DLG1: variants seen among roughly 807,000 people sequenced by gnomAD.
DLG1 encodes the protein discs large MAGUK scaffold protein 1, also known as disks large homolog 1.
A neutral mutation model predicts 123.4 loss-of-function variants in DLG1; 42 were observed. The ratio of observed to expected loss-of-function variants is 0.34; its 90% CI spans 0.27 to 0.44. DLG1 has a LOEUF of 0.44. DLG1 is among the 20% of genes least tolerant of loss of function. The pLI, the probability that DLG1 is intolerant of heterozygous loss-of-function variation, is 1.00. For missense variants in DLG1, 942 were observed against 1,082.6 expected, an observed-to-expected ratio of 0.87 and a Z score of 1.82; for synonymous variants, 317 against 356.2, an observed-to-expected ratio of 0.89 and a Z score of 1.24.
chr3:197,275,876 T>C (rs1382702069), intron 4 of DLG1, among the ~76,000 whole-genome samples: 1 of 152,112 alleles, frequency 6.6e-6, no homozygotes, highest in African/African-American at 2.4e-5. Flanking sequence ...GAAGAGAAAA[T>C]CTGGAATATT....
At chr3:197,154,689 A>G (rs2149807548) in intron 5 of DLG1, among the ~76,000 whole-genome samples, 1 of 152,286 alleles carries the variant, frequency 6.6e-6, no homozygotes, top group East Asian at 1.9e-4. Context: ...AAAAAAAAAG[A>G]ATTAAAAGAT....
At chr3:197,244,071 C>G (rs1379913609) in intron 4 of DLG1, among the ~76,000 whole-genome samples, 1 of 152,144 alleles carries the variant, frequency 6.6e-6, no homozygotes, top group African/African-American at 2.4e-5. Context: ...TAAGGGGAGA[C>G]TGATTAGTAA....
At chr3:197,218,284 T>G (rs1009764173) in intron 4 of DLG1, among the ~76,000 whole-genome samples, 19 of 152,328 alleles carry the variant, frequency 1.2e-4, no homozygotes, top group African/African-American at 4.6e-4. Context: ...ATGTCAAATA[T>G]GGATTGCTCT....
chr3:197,277,211 G>GT (rs1020999300), intron 4 of DLG1, among the ~76,000 whole-genome samples: 1,665 of 144,046 alleles, frequency 0.012, 25 homozygotes, highest in African/African-American at 0.037. Flanking sequence ...TACTTTTATG[G>GT]TTTTTTTTTT....
rs955021671 is a variant in DLG1, at chr3:197,130,660, T to A, written c.1032A>T (p.Val344=). Residue 344 remains valine (V), a synonymous_variant, in exon 11 of 25, where the codon GTA becomes GTT. Coordinates refer to ENST00000667157, the MANE Select transcript of DLG1 (RefSeq NM_001366207.1). The part of the protein sequence containing the change: ...IGDKLLAVNN[V]CLEEVTHEEA... ...CTTCATGAGTAACTTCTTCTAAACA[T>A]ACGTTATTCACCTAAAAAAAGTCCC... 1 of 1,599,678 alleles carries A rather than the reference T, an allele frequency of 6.3e-7. No individual in the cohort carries two copies. The highest frequency in any genetic ancestry group is 2.2e-5 in the East Asian group (1 of 44,518).
chr3:197,127,762 A>G (rs1220592235), intron 11 of DLG1, among the ~76,000 whole-genome samples: 2 of 151,956 alleles, frequency 1.3e-5, no homozygotes, highest in Non-Finnish European at 2.9e-5. Flanking sequence ...TCCATACCAC[A>G]GCAATAAAGC....
chr3:197,152,889 C>A (rs1236940924), intron 5 of DLG1, among the ~76,000 whole-genome samples: 2 of 151,886 alleles, frequency 1.3e-5, no homozygotes, highest in African/African-American at 4.8e-5. Context: ...CTGAAGCAGC[C>A]TTACAAAGTT....
intron 4 of DLG1, among the ~76,000 whole-genome samples, chr3:197,207,885 A>C (rs185047317): frequency 1.4e-5 from 2 of 146,090 alleles, no homozygotes; most frequent in Admixed American, 1.4e-4. Context: ...TTATAACTAT[A>C]ACAAAGACCT....
At chr3:197,060,263 C>T (rs539496484) in intron 22 of DLG1, among the ~76,000 whole-genome samples, 46 of 152,240 alleles carry the variant, frequency 3.0e-4, no homozygotes, top group Non-Finnish European at 5.9e-4. Flanking sequence ...TCAGTTATTT[C>T]TCAAAATGGT....
intron 24 of DLG1, among the ~76,000 whole-genome samples, chr3:197,046,289 G>A (rs997127195): frequency 6.6e-6 from 1 of 151,948 alleles, no homozygotes; most frequent in Non-Finnish European, 1.5e-5. Context: ...GGAGAAAACA[G>A]TCAGGAACTG....
At chr3:197,192,388 G>T (rs1157899647) in intron 5 of DLG1, among the ~76,000 whole-genome samples, 4 of 151,914 alleles carry the variant, frequency 2.6e-5, no homozygotes, top group Non-Finnish European at 5.9e-5. Flanking sequence ...AGAAAAGAAG[G>T]CTGGTAATTA....
At chr3:197,167,572 T>C (rs909742840) in intron 5 of DLG1, among the ~76,000 whole-genome samples, 1 of 152,222 alleles carries the variant, frequency 6.6e-6, no homozygotes, top group Admixed American at 6.5e-5. Flanking sequence ...TCATTAAACA[T>C]CAGACAAACC....
intron 4 of DLG1, among the ~76,000 whole-genome samples, chr3:197,244,396 T>C (rs1240275820): frequency 2.0e-5 from 3 of 152,178 alleles, no homozygotes; most frequent in Admixed American, 1.3e-4. Flanking sequence ...ATAGCAATCA[T>C]TTTTGTTTAG....
chr3:197,090,419 C>T (rs1757127373), intron 15 of DLG1, among the ~76,000 whole-genome samples: 1 of 151,870 alleles, frequency 6.6e-6, no homozygotes, highest in Non-Finnish European at 1.5e-5. Context: ...TTGCCTTCTC[C>T]CAAGTGTTTA....
intron 4 of DLG1, among the ~76,000 whole-genome samples, chr3:197,232,363 A>T (rs1277877334): frequency 3.9e-5 from 2 of 51,374 alleles, no homozygotes. Context: ...TTGTCTCTTA[A>T]AAAAAAAAAA....
At chr3:197,190,880 G>GGC (rs1276648466) in intron 5 of DLG1, among the ~76,000 whole-genome samples, 4 of 152,136 alleles carry the variant, frequency 2.6e-5, no homozygotes, top group African/African-American at 9.7e-5. Context: ...CGTGGTGGCG[G>GGC]GCGCCTGTAG....
chr3:197,226,346 T>C (rs1338389169), intron 4 of DLG1: 2 of 152,042 alleles, frequency 1.3e-5, no homozygotes, highest in African/African-American at 2.4e-5. Flanking sequence ...ATCTCCTCCA[T>C]GAGAATAAGA....
chr3:197,231,546 C>A (rs1370505904), intron 4 of DLG1, among the ~76,000 whole-genome samples: 1 of 151,742 alleles, frequency 6.6e-6, no homozygotes, highest in Non-Finnish European at 1.5e-5. Flanking sequence ...ACAAAAAATA[C>A]AAAAATTAGC....
intron 14 of DLG1, among the ~76,000 whole-genome samples, chr3:197,097,911 T>C (rs1054385070): frequency 6.6e-6 from 1 of 152,114 alleles, no homozygotes; most frequent in African/African-American, 2.4e-5. Flanking sequence ...GTCTCACTGG[T>C]TTATGTTTCT....
Sources: gnomAD v4.1 joint callset for allele counts (sites outside exome capture counted in the v4.1 genomes callset) on GRCh38, gnomAD v4.1.1 for gene constraint, MANE v1.5 for transcripts, NCBI Gene and HGNC (gene_info 2026-07-23, HGNC 2026-07-21) for gene names.